DCDC2C: variants seen among roughly 807,000 people sequenced by gnomAD.
DCDC2C encodes the protein doublecortin domain-containing protein 2C.
A neutral mutation model predicts 45.0 loss-of-function variants in DCDC2C; 44 were observed. The observed-to-expected ratio is 0.98, with a 90% CI of 0.77 to 1.26. The LOEUF (loss-of-function observed/expected upper bound fraction) is 1.26, where lower values mean the gene tolerates loss of function less well. Ranked by LOEUF, DCDC2C falls within the 50% of genes most tolerant of loss-of-function variation. The pLI is 0.00. For synonymous variants in DCDC2C, 187 were observed against 178.8 expected, an observed-to-expected ratio of 1.05 and a Z score of -0.37; for missense variants, 447 against 468.9, an observed-to-expected ratio of 0.95 and a Z score of 0.43.
chr2:3,740,971 G>T (rs1669188735), intron 3 of DCDC2C, among the ~76,000 whole-genome samples: 1 of 152,108 alleles, frequency 6.6e-6, no homozygotes, highest in Admixed American at 6.5e-5. Flanking sequence ...GGATATCAAT[G>T]ATATCATTTA....
At chr2:3,711,601 G>A (rs1024784641) in intron 2 of DCDC2C, among the ~76,000 whole-genome samples, 5 of 152,204 alleles carry the variant, frequency 3.3e-5, no homozygotes, top group African/African-American at 1.2e-4. Flanking sequence ...CCTAGTGCCT[G>A]CTCTAGGAGG....
At chr2:3,709,494 G>A (rs1242016621) in intron 2 of DCDC2C, among the ~76,000 whole-genome samples, 5 of 152,218 alleles carry the variant, frequency 3.3e-5, no homozygotes, top group Non-Finnish European at 7.3e-5. Context: ...GAAGCGTTCC[G>A]CTGCCTTCTT....
chr2:3,754,523 G>T, intron 5 of DCDC2C, 69 bp from the exon 6 acceptor site: 1 of 1,492,724 alleles, frequency 6.7e-7, no homozygotes, highest in Non-Finnish European at 9.1e-7. Context: ...CAAGGCTGCA[G>T]TCTGCATTTT....
At chr2:3,828,295 G>T (rs1671875596) in intron 10 of DCDC2C, among the ~76,000 whole-genome samples, 1 of 152,190 alleles carries the variant, frequency 6.6e-6, no homozygotes, top group Non-Finnish European at 1.5e-5. Context: ...GAAGCAGATT[G>T]CCTCCTCTTC....
chr2:3,748,878 C>T (rs567934273), intron 4 of DCDC2C, among the ~76,000 whole-genome samples: 2 of 152,158 alleles, frequency 1.3e-5, no homozygotes, highest in Non-Finnish European at 2.9e-5. Context: ...TGGGGGGAAA[C>T]TGGCTGAACT....
intron 10 of DCDC2C, among the ~76,000 whole-genome samples, chr2:3,800,125 G>A (rs948726447): frequency 1.3e-5 from 2 of 152,158 alleles, no homozygotes; most frequent in Admixed American, 6.5e-5. Flanking sequence ...GGAGTGACTC[G>A]ATTTTCCAGG....
chr2:3,742,794 A>G (rs1669253853), intron 4 of DCDC2C, among the ~76,000 whole-genome samples: 1 of 152,192 alleles, frequency 6.6e-6, no homozygotes, highest in South Asian at 2.1e-4. Flanking sequence ...ATCATAGGAA[A>G]TTCAGCCCTA....
At chr2:3,794,379 T>C (rs558507295) in intron 10 of DCDC2C, among the ~76,000 whole-genome samples, 15 of 152,202 alleles carry the variant, frequency 9.9e-5, no homozygotes, top group Non-Finnish European at 2.1e-4. Context: ...TTTATTATTA[T>C]TATACTTTAA....
At chr2:3,748,625 C>T (rs1033470187) in intron 4 of DCDC2C, among the ~76,000 whole-genome samples, 3 of 152,062 alleles carry the variant, frequency 2.0e-5, no homozygotes, top group Non-Finnish European at 4.4e-5. Flanking sequence ...AGAGATCAGG[C>T]TGGAGAAACA....
rs1672358691 is a variant in DCDC2C, at chr2:3,847,300, C to CA, written c.*118dup. On this transcript the variant is annotated 3_prime_UTR_variant, in exon 11 of 11. Transcript: ENST00000399143. ...CATGTGGGGTGAAACTAAAGCCCCA[C>CA]ACAGTGGTGTCTTCTCGAAAGCCAA... is the stretch of plus-strand genomic sequence containing the variant. 1 of 657,598 alleles carries CA rather than the reference C, an allele frequency of 1.5e-6. No homozygotes were observed. Among genetic ancestry groups the CA allele is most frequent in the South Asian group, 7.9e-5 (1 of 12,682 alleles). 40.7% of individuals were successfully genotyped at this position (657,598 alleles called of 1,614,324 possible). A position where few individuals can be genotyped will look rare whatever the true frequency, so the allele number is the denominator to read the frequency against.
chr2:3,762,979 T>C (rs1669921742), intron 6 of DCDC2C, among the ~76,000 whole-genome samples: 1 of 151,866 alleles, frequency 6.6e-6, no homozygotes, highest in African/African-American at 2.4e-5. Flanking sequence ...GGGCTGAATG[T>C]TGGGGGAGGG....
chr2:3,797,310 C>T (rs184054579), intron 10 of DCDC2C, among the ~76,000 whole-genome samples: 27,097 of 150,932 alleles, frequency 0.18, 2,456 homozygotes, highest in East Asian at 0.24. Context: ...TTGATCCTTT[C>T]AAAAAACCAG....
rs544646619 is a variant in DCDC2C at position 3,794,471 on chromosome 2, C to T, written c.1065+9371C>T. Among the ~76,000 whole-genome samples the T allele has an allele frequency of 4.0e-4, 61 of 152,262 alleles. 1 individual carries two copies. The highest frequency in any genetic ancestry group is 3.3e-3 in the Admixed American group (51 of 15,294). On this transcript the variant is annotated intron_variant, in intron 10 of 10. Coordinates refer to ENST00000399143, the MANE Select transcript of DCDC2C (RefSeq NM_001287444.2). ...TGCTGGTGCGCTGCACCCATTAACT[C>T]GTCATCTAGCATTAGGTATATCTCC...
chr2:3,703,610 CCCCGT>C lies in DCDC2C; in HGVS notation c.-133_-129del. 1.2e-6 allele frequency: 1 copy of C among 822,134 alleles called. No individual in the cohort carries two copies. The highest frequency in any genetic ancestry group is 6.1e-5 in the South Asian group (1 of 16,336). 50.9% of individuals were successfully genotyped at this position (822,134 alleles called of 1,614,324 possible). A position where few individuals can be genotyped will look rare whatever the true frequency, so the allele number is the denominator to read the frequency against. On this transcript the variant is annotated 5_prime_UTR_variant, in exon 1 of 11. Transcript: ENST00000399143. The surrounding 1 kb of genome is among the most constrained non-coding windows in gnomAD (Gnocchi z 4.4). ...CGTCCCCGTCCAGCCCCCGTCCCGT[CCCCGT>C]CCCGTCCCCGTCCTGCGCCAGCGGC... is the stretch of plus-strand genomic sequence containing the variant.
At chr2:3,760,208 T>C (rs535187282) in intron 6 of DCDC2C, among the ~76,000 whole-genome samples, 3 of 152,384 alleles carry the variant, frequency 2.0e-5, no homozygotes, top group African/African-American at 7.2e-5. Context: ...CGCCTCTTAG[T>C]TCTCAGTTTC....
At chr2:3,752,568 G>A (rs1425018274) in intron 4 of DCDC2C, 195 bp from the exon 5 acceptor site, 7 of 699,614 alleles carry the variant, frequency 1.0e-5, no homozygotes, top group Non-Finnish European at 1.5e-5. Flanking sequence ...ATCTAAAAGT[G>A]GAAAGCAAGT....
intron 10 of DCDC2C, among the ~76,000 whole-genome samples, chr2:3,790,593 A>G (rs934617751): frequency 6.6e-6 from 1 of 152,212 alleles, no homozygotes; most frequent in Non-Finnish European, 1.5e-5. Flanking sequence ...GCATTGATTC[A>G]TTAATTGATT....
chr2:3,785,039 T>G lies in DCDC2C; in HGVS notation c.1024-20T>G. On this transcript the variant is annotated intron_variant, in intron 9 of 10. Coordinates refer to ENST00000399143, the MANE Select transcript of DCDC2C (RefSeq NM_001287444.2). ...TCCTTCTTGCGATAGTTGATTCCTA[T>G]ATTTGTTTTTTCATACTAGGATAAA... 1.6e-6 allele frequency: 2 copies of G among 1,230,112 alleles called. No individual in the cohort carries two copies. The highest frequency in any genetic ancestry group is 2.0e-6 in the Non-Finnish European group (2 of 986,472). 76.2% of individuals were successfully genotyped at this position (1,230,112 alleles called of 1,614,324 possible).
chr2:3,731,984 G>T (rs529609975), intron 3 of DCDC2C, among the ~76,000 whole-genome samples: 1 of 152,244 alleles, frequency 6.6e-6, no homozygotes, highest in Admixed American at 6.5e-5. Flanking sequence ...GACTGAGTAC[G>T]GTAGGGGGCG....
Sources: allele counts gnomAD v4.1 joint callset (sites outside exome capture counted in the v4.1 genomes callset), GRCh38; gene constraint gnomAD v4.1.1; non-coding constraint Gnocchi (gnomAD v3.1); transcripts MANE v1.5; gene names NCBI Gene and HGNC (gene_info 2026-07-23, HGNC 2026-07-21).